Variants in NSD3 observed in about 807,000 individuals in gnomAD.
NSD3 encodes nuclear receptor binding SET domain protein 3.
Under a neutral mutation model 160.8 loss-of-function variants are expected in NSD3, and 24 were observed. The ratio of observed to expected loss-of-function variants is 0.15; its 90% CI spans 0.11 to 0.21. The LOEUF is 0.21. Ranked by LOEUF, NSD3 falls within the 10% of genes least tolerant of loss-of-function variation. The pLI is 1.00. For missense variants in NSD3, 1,157 were observed against 1,735.9 expected, an observed-to-expected ratio of 0.67 and a Z score of 5.93; for synonymous variants, 520 against 600.0, an observed-to-expected ratio of 0.87 and a Z score of 1.95.
At chr8:38,284,617 T>G (rs1245114501) in intron 19 of NSD3, among the ~76,000 whole-genome samples, 1 of 152,100 alleles carries the variant, frequency 6.6e-6, no homozygotes, top group Non-Finnish European at 1.5e-5. Context: ...GAACTCGTAA[T>G]CTCAAATGAT....
chr8:38,307,129 TA>T (rs538303392), intron 12 of NSD3, among the ~76,000 whole-genome samples: 21,465 of 135,116 alleles, frequency 0.16, 1,813 homozygotes, highest in East Asian at 0.26. Context: ...AAAAAAAAAA[TA>T]AAATAAAATA....
intron 1 of NSD3, among the ~76,000 whole-genome samples, chr8:38,357,605 T>G (rs1226619567): frequency 6.6e-6 from 1 of 152,200 alleles, no homozygotes; most frequent in Non-Finnish European, 1.5e-5. Flanking sequence ...TCTAAGTTAG[T>G]CTGAGTAACT....
At chr8:38,369,829 C>T (rs1053401063) in intron 1 of NSD3, among the ~76,000 whole-genome samples, 1 of 152,146 alleles carries the variant, frequency 6.6e-6, no homozygotes, top group Non-Finnish European at 1.5e-5. Context: ...GAGTCTCGCT[C>T]TGTTGCCCAG....
At chr8:38,276,702 G>C in intron 22 of NSD3, 2 of 602,610 alleles carry the variant, frequency 3.3e-6, no homozygotes, top group East Asian at 3.0e-5. Flanking sequence ...TTTTATTTTT[G>C]AGATGGAGTT....
chr8:38,368,410 T>G (rs942663997), intron 1 of NSD3, among the ~76,000 whole-genome samples: 5 of 152,194 alleles, frequency 3.3e-5, no homozygotes, highest in Non-Finnish European at 7.4e-5. Context: ...ATTAAAGACA[T>G]TAAAATATCC....
chr8:38,364,246 C>T (rs1298847447), intron 1 of NSD3, among the ~76,000 whole-genome samples: 4 of 151,876 alleles, frequency 2.6e-5, no homozygotes, highest in Non-Finnish European at 5.9e-5. Context: ...CACTGCACTC[C>T]AGCCTGGGTG....
chr8:38,378,733 G>C (rs1365522354), intron 1 of NSD3, among the ~76,000 whole-genome samples: 1 of 151,114 alleles, frequency 6.6e-6, no homozygotes, highest in Admixed American at 6.6e-5. Flanking sequence ...TAAGGCACGA[G>C]AATCACTTGA....
chr8:38,279,519 G>T (rs990461418), intron 21 of NSD3, 21 bp downstream of exon 21: 39 of 1,611,306 alleles, frequency 2.4e-5, no homozygotes, highest in Non-Finnish European at 3.2e-5. Flanking sequence ...GGAAAGCATG[G>T]GGAACGAGTC....
At chr8:38,278,926 A>G (rs1214480559) in intron 21 of NSD3, among the ~76,000 whole-genome samples, 1 of 152,240 alleles carries the variant, frequency 6.6e-6, no homozygotes, top group Non-Finnish European at 1.5e-5. Context: ...TAAACAATCC[A>G]CAATGAGTTC....
intron 2 of NSD3, among the ~76,000 whole-genome samples, chr8:38,342,062 C>T (rs1377606191): frequency 6.6e-6 from 1 of 152,058 alleles, no homozygotes; most frequent in Non-Finnish European, 1.5e-5. Flanking sequence ...GTTTGAAACA[C>T]CATCAAAATC....
At chr8:38,373,717 G>A (rs1402623342) in intron 1 of NSD3, among the ~76,000 whole-genome samples, 3 of 151,580 alleles carry the variant, frequency 2.0e-5, no homozygotes, top group South Asian at 4.2e-4. Flanking sequence ...AATTTAAAAC[G>A]CCTCCCTATA....
intron 12 of NSD3, among the ~76,000 whole-genome samples, chr8:38,312,506 AC>A (rs755653612): frequency 2.6e-5 from 4 of 152,168 alleles, no homozygotes; most frequent in Non-Finnish European, 5.9e-5. Flanking sequence ...ATTTGTCCCC[AC>A]CCAAATCTCC....
intron 23 of NSD3, among the ~76,000 whole-genome samples, 195 bp from the exon 24 acceptor site, chr8:38,276,077 CCACAGG>C (rs774648583): frequency 1.2e-4 from 18 of 152,154 alleles, no homozygotes; most frequent in Non-Finnish European, 2.5e-4. Context: ...AAACCCAACG[CCACAGG>C]TACCCACCTA....
intron 4 of NSD3, among the ~76,000 whole-genome samples, chr8:38,332,101 T>C (rs957956726): frequency 6.6e-6 from 1 of 151,978 alleles, no homozygotes; most frequent in Non-Finnish European, 1.5e-5. Context: ...AATTAATAAA[T>C]TTTTTTGTTG....
intron 15 of NSD3, 72 bp downstream of exon 15, chr8:38,299,372 C>A (rs917763135): frequency 2.1e-5 from 32 of 1,494,656 alleles, no homozygotes; most frequent in Non-Finnish European, 1.9e-5. Flanking sequence ...GCATACATTT[C>A]CCCCCTATAT....
At chr8:38,341,383 G>T (rs1478409449) in intron 2 of NSD3, among the ~76,000 whole-genome samples, 1 of 151,718 alleles carries the variant, frequency 6.6e-6, no homozygotes, top group Non-Finnish European at 1.5e-5. Flanking sequence ...ACTAAAAATA[G>T]AAAAATTAGC....
chr8:38,353,360 T>G (rs539844647), intron 1 of NSD3, among the ~76,000 whole-genome samples: 1 of 152,358 alleles, frequency 6.6e-6, no homozygotes, highest in African/African-American at 2.4e-5. Context: ...ATGGACCAAC[T>G]ACACAGGCAG....
chr8:38,301,482 A>G (rs1809274609), intron 14 of NSD3, among the ~76,000 whole-genome samples: 2 of 152,232 alleles, frequency 1.3e-5, no homozygotes, highest in African/African-American at 4.8e-5. Context: ...TGGGAGGCTG[A>G]GGCAGGAGAA....
At chr8:38,333,589 C>T (rs1383148512) in intron 4 of NSD3, among the ~76,000 whole-genome samples, 2 of 152,168 alleles carry the variant, frequency 1.3e-5, no homozygotes, top group South Asian at 2.1e-4. Flanking sequence ...GACTAATGGC[C>T]GGGCGCGGTG....
Sources: allele counts gnomAD v4.1 joint callset (sites outside exome capture counted in the v4.1 genomes callset), GRCh38; gene constraint gnomAD v4.1.1; transcripts MANE v1.5; gene names NCBI Gene and HGNC (gene_info 2026-07-23, HGNC 2026-07-21).